The following IL1RL1 variants were observed in gnomAD, a reference collection of about 807,000 sequenced individuals.
IL1RL1 encodes interleukin 1 receptor like 1, also known as interleukin-1 receptor-like 1.
IL1RL1 carries 32 observed loss-of-function variants against 50.9 expected under a neutral mutation model. The ratio of observed to expected loss-of-function variants is 0.63; its 90% CI spans 0.47 to 0.84. The LOEUF is 0.84. Ranked by LOEUF, IL1RL1 falls within the 40% of genes least tolerant of loss-of-function variation. The probability of loss-of-function intolerance (pLI) is 0.00; values close to 1 mark genes in which losing one functional copy is unlikely to be tolerated. For synonymous variants in IL1RL1, 275 were observed against 236.0 expected, an observed-to-expected ratio of 1.17 and a Z score of -1.51; for missense variants, 773 against 662.9, an observed-to-expected ratio of 1.17 and a Z score of -1.82.
At chr2:102,340,326 C>G in intron 4 of IL1RL1, 54 bp downstream of exon 4, 2 of 1,457,076 alleles carry the variant, frequency 1.4e-6, no homozygotes. Flanking sequence ...AAAATAGACA[C>G]AAGTGGCCGG....
rs984245601 is a variant in IL1RL1, at chr2:102,339,195, T to C, written c.272+148T>C. ...ATGATTTGAATAAAAGTGATTTGGA[T>C]AAACTTCTAGGAATACTATCAGGTT... On this transcript the variant is annotated intron_variant, in intron 3 of 10. Coordinates refer to ENST00000233954, the MANE Select transcript of IL1RL1 (RefSeq NM_016232.5). 14 of 622,258 alleles carry C rather than the reference T, an allele frequency of 2.2e-5. No individual in the cohort carries two copies. In the African/African-American group the frequency reaches 2.6e-4, roughly 12 times the overall value. 38.5% of individuals were successfully genotyped at this position (622,258 alleles called of 1,614,324 possible).
chr2:102,342,317 T>C lies in IL1RL1; in HGVS notation c.682+23T>C, dbSNP rs769921763. 4.0e-6 allele frequency: 6 copies of C among 1,518,936 alleles called. No individual in the cohort carries two copies. In the East Asian group the frequency reaches 1.4e-4, roughly 34 times the overall value. The allele number at this position is 1,518,936 out of a possible 1,614,324, so 94.1% of individuals were successfully genotyped here. On this transcript the variant is annotated intron_variant, in intron 6 of 10. Coordinates refer to ENST00000233954, the MANE Select transcript of IL1RL1 (RefSeq NM_016232.5). ...TTGGTAAGAAAATTTATCAGAATGC[T>C]GTAAATATTGCCTGGAAAAATCCTT...
At chr2:102,343,669 G>A in intron 8 of IL1RL1, 2 of 1,384,272 alleles carry the variant, frequency 1.4e-6, no homozygotes, top group Non-Finnish European at 1.9e-6. Flanking sequence ...ACACTCAGCT[G>A]CTTCTTTGGT....
chr2:102,313,908 G>C (rs1274341117), intron 1 of IL1RL1, among the ~76,000 whole-genome samples: 1 of 152,150 alleles, frequency 6.6e-6, no homozygotes, highest in Non-Finnish European at 1.5e-5. Flanking sequence ...AGATCCCTCT[G>C]GTTCTAGAAC....
chr2:102,318,894 T>C (rs937902136), intron 1 of IL1RL1, among the ~76,000 whole-genome samples: 1 of 152,196 alleles, frequency 6.6e-6, no homozygotes, highest in Admixed American at 6.5e-5. Flanking sequence ...TAATTTAAAC[T>C]AATTATTAAC....
chr2:102,348,593 A>G (rs774376234), intron 9 of IL1RL1, among the ~76,000 whole-genome samples: 11 of 152,292 alleles, frequency 7.2e-5, no homozygotes, highest in Non-Finnish European at 1.5e-4. Flanking sequence ...TCATGCTTAC[A>G]TTTGGAGGCA....
intron 8 of IL1RL1, among the ~76,000 whole-genome samples, chr2:102,347,029 G>A (rs560330982): frequency 6.6e-6 from 1 of 152,186 alleles, no homozygotes; most frequent in Non-Finnish European, 1.5e-5. Flanking sequence ...AGAAGTATGG[G>A]CTATGAGTAG....
chr2:102,351,655 G>A lies in IL1RL1; in HGVS notation c.1405G>A (p.Ala469Thr), dbSNP rs114130235. The change falls in exon 11 of 11, where the codon GCC becomes ACC. Residue 469 changes from alanine to threonine, a missense_variant. Coordinates refer to ENST00000233954, the MANE Select transcript of IL1RL1 (RefSeq NM_016232.5). ...AYEQEVALHC[A>T]LIQNDAKVIL... ...CGAGCAGGAGGTTGCCCTGCACTGT[G>A]CCCTCATCCAGAACGACGCCAAGGT... 2,067 of 1,614,064 alleles carry A rather than the reference G, an allele frequency of 1.3e-3. 24 individuals are homozygous for A. In the African/African-American group the frequency reaches 0.024, roughly 19 times the overall value.
intron 8 of IL1RL1, chr2:102,345,242 T>A (rs1336222576): frequency 1.0e-6 from 1 of 985,456 alleles, no homozygotes; most frequent in South Asian, 4.7e-5. Flanking sequence ...CCCCACTCCC[T>A]TGGTGTGTCT....
chr2:102,313,731 C>A (rs1676589159), intron 1 of IL1RL1, among the ~76,000 whole-genome samples: 1 of 152,194 alleles, frequency 6.6e-6, no homozygotes, highest in South Asian at 2.1e-4. Flanking sequence ...ACATCCATGT[C>A]CAAGGGCAAA....
At chr2:102,329,408 C>A (rs1316808218) in intron 1 of IL1RL1, among the ~76,000 whole-genome samples, 2 of 152,138 alleles carry the variant, frequency 1.3e-5, no homozygotes, top group Non-Finnish European at 2.9e-5. Context: ...CTAGGCAATA[C>A]CATTCAGGAC....
chr2:102,349,537 C>T (rs1252282907), intron 10 of IL1RL1, among the ~76,000 whole-genome samples: 1 of 152,120 alleles, frequency 6.6e-6, no homozygotes, highest in Non-Finnish European at 1.5e-5. Flanking sequence ...CCCTTGGTCC[C>T]CCACCAGGAT....
rs750243575 is a variant in IL1RL1 at position 102,338,844 on chromosome 2, A to G, written c.69A>G (p.Gln23=). The G allele has an allele frequency of 6.2e-7, 1 of 1,611,506 alleles. No homozygotes were observed. Among genetic ancestry groups the G allele is most frequent in the South Asian group, 1.1e-5 (1 of 91,024 alleles). Residue 23 remains glutamine, a synonymous_variant, in exon 3 of 11, where the codon CAA becomes CAG. Transcript: ENST00000233954. ...TATATCTTTTATTTGCAGGTAAACA[A>G]TCATGGGGCCTGGAAAATGAGGCTT... ...MYSTAAKFSK[Q]SWGLENEALI...
Position 102,338,948 on chromosome 2 carries a change from C to T in IL1RL1, c.173C>T (p.Pro58Leu), listed in dbSNP as rs140931129. 362 of 1,613,836 alleles carry T rather than the reference C, an allele frequency of 2.2e-4. 1 individual carries two copies. In the Middle Eastern group the frequency reaches 5.3e-3, roughly 24 times the overall value. ...WYYSQTNKSI[P>L]TQERNRVFAS... The stretch of plus-strand genomic sequence containing the variant: ...TACTCACAAACAAACAAAAGTATTC[C>T]CACTCAGGAAAGAAATCGTGTGTTT... The change falls in exon 3 of 11, where the codon CCC becomes CTC. Residue 58 changes from proline (P) to leucine (L), a missense_variant. Transcript: ENST00000233954.
At chr2:102,348,202 T>G in intron 9 of IL1RL1, 111 bp downstream of exon 9, 1 of 840,460 alleles carries the variant, frequency 1.2e-6, no homozygotes, top group Non-Finnish European at 1.9e-6. Context: ...GATTCCATTT[T>G]GCTTGCTAAT....
chr2:102,345,673 T>C, intron 8 of IL1RL1: 1 of 985,400 alleles, frequency 1.0e-6, no homozygotes, highest in Non-Finnish European at 1.2e-6. Context: ...ATTTTGACTT[T>C]AACCCCTGAT....
At position 102,323,275 on chromosome 2, in the gene IL1RL1, T is replaced by A. The variant is rs1178658517; in HGVS notation, c.-150+11652T>A. Among the ~76,000 whole-genome samples the A allele has an allele frequency of 2.2e-3, 62 of 28,682 alleles. 1 individual carries two copies. The highest frequency in any genetic ancestry group is 0.012 in the South Asian group (15 of 1,204). The allele number at this position is 28,682 out of a possible 152,430, so 18.8% of individuals were successfully genotyped here. ...TATATATATATATATATATATATAGTGTGTGTGTGTGTGTGTGTGTATATA... is the reference window on the plus strand; with the variant it reads ...TATATATATATATATATATATATAGAGTGTGTGTGTGTGTGTGTGTATATA... On this transcript the variant is annotated intron_variant, in intron 1 of 10. Transcript: ENST00000233954.
chr2:102,351,801 T>G lies in IL1RL1; in HGVS notation c.1551T>G (p.Ile517Met). 2 of 1,613,996 alleles carry G rather than the reference T, an allele frequency of 1.2e-6. No individual in the cohort carries two copies. Among genetic ancestry groups the G allele is most frequent in the Non-Finnish European group, 1.7e-6 (2 of 1,179,980 alleles). ...CCATCAAGTGGAGGGAGGACCACAT[T>G]GCCAATAAAAGGTCCCTGAATTCTA... ...QGTIKWREDHIANKRSLNSKF... is the reference protein window; with the variant it reads ...QGTIKWREDHMANKRSLNSKF... The change falls in exon 11 of 11, where the codon ATT becomes ATG. Residue 517 changes from isoleucine (I) to methionine (M), a missense_variant. By Grantham distance (10) the Ile-to-Met change is conservative. Transcript: ENST00000233954.
intron 8 of IL1RL1, chr2:102,344,838 T>C (rs1677721935): frequency 1.1e-6 from 1 of 952,368 alleles, no homozygotes; most frequent in African/African-American, 1.8e-5. Context: ...ATAACTTTCC[T>C]CATCATTTGG....
Sources: gnomAD v4.1 joint callset for allele counts (sites outside exome capture counted in the v4.1 genomes callset) on GRCh38, gnomAD v4.1.1 for gene constraint, MANE v1.5 for transcripts, NCBI Gene and HGNC (gene_info 2026-07-23, HGNC 2026-07-21) for gene names.